DYNC1I1: variants seen among roughly 807,000 people sequenced by gnomAD.
DYNC1I1 encodes dynein cytoplasmic 1 intermediate chain 1.
DYNC1I1 carries 43 observed loss-of-function variants against 86.6 expected under a neutral mutation model. That is an observed-to-expected ratio of 0.50 (90% CI 0.39 to 0.64). The LOEUF (loss-of-function observed/expected upper bound fraction) is 0.64. DYNC1I1 is among the 30% of genes least tolerant of loss of function. The pLI is 0.00. For missense variants in DYNC1I1, 604 were observed against 788.8 expected (o/e 0.77, Z 2.81); for synonymous variants, 262 against 283.7 (o/e 0.92, Z 0.77).
chr7:96,104,126 G>C (rs1190089540), intron 16 of DYNC1I1, among the ~76,000 whole-genome samples: 7 of 151,874 alleles, frequency 4.6e-5, no homozygotes, highest in Middle Eastern at 3.4e-3. Context: ...CTAGTATCTT[G>C]GCCACATCTT....
At chr7:96,021,001 G>A (rs1178984738) in intron 10 of DYNC1I1, among the ~76,000 whole-genome samples, 1 of 152,080 alleles carries the variant, frequency 6.6e-6, no homozygotes, top group Non-Finnish European at 1.5e-5. Flanking sequence ...AGAGTGATGA[G>A]GGATGGGGGA....
chr7:95,819,122 G>C (rs561097874), intron 4 of DYNC1I1, among the ~76,000 whole-genome samples: 1 of 152,144 alleles, frequency 6.6e-6, no homozygotes, highest in East Asian at 1.9e-4. Context: ...ATGATACAAA[G>C]GGAATGGATT....
At chr7:96,109,967 T>C (rs769459517) in intron 16 of DYNC1I1, 24 of 310,444 alleles carry the variant, frequency 7.7e-5, no homozygotes, top group South Asian at 5.6e-4. Context: ...TTTTTTCTTT[T>C]TGTGGACACA....
chr7:95,794,404 A>C (rs1794383887), intron 1 of DYNC1I1, among the ~76,000 whole-genome samples: 1 of 152,202 alleles, frequency 6.6e-6, no homozygotes, highest in South Asian at 2.1e-4. Context: ...TGAATGGCTG[A>C]TTCTGTTAAT....
chr7:95,801,179 T>C (rs777738265), intron 1 of DYNC1I1, among the ~76,000 whole-genome samples: 30 of 152,228 alleles, frequency 2.0e-4, no homozygotes, highest in Non-Finnish European at 3.8e-4. Context: ...TCTTCTAACA[T>C]TGTAACCTAC....
Position 96,097,530 on chromosome 7 carries a change from TG to T in DYNC1I1, c.1825del (p.Val609TrpfsTer161). The T allele has an allele frequency of 6.2e-7, 1 of 1,613,792 alleles. No individual in the cohort carries two copies. The highest frequency in any genetic ancestry group is 8.5e-7 in the Non-Finnish European group (1 of 1,179,780). On this transcript the variant is annotated frameshift_variant, in exon 17 of 17. Coordinates refer to ENST00000447467, the MANE Select transcript of DYNC1I1 (RefSeq NM_001135556.2). LOFTEE classifies it high-confidence loss of function. ...AATGGACCCGATTTGCCAGGACCCT[TG>T]TGGAAATTCGTGCTAACAGAGCTGA... ...DEWTRFARTL[V>X]EIRANRADSE...
chr7:95,921,606 T>G lies in DYNC1I1; in HGVS notation c.490+51608T>G, dbSNP rs1791611576. Among the ~76,000 whole-genome samples the G allele has an allele frequency of 3.3e-5, 5 of 152,282 alleles. No homozygotes were observed. In the South Asian group the frequency reaches 1.0e-3, roughly 32 times the overall value. ...GGTCTTTGAGGAGCCAGTGGGTTCT[T>G]CAATTGTTCTCTTGTCTGCACACAC... On this transcript the variant is annotated intron_variant, in intron 6 of 16. Transcript: ENST00000447467.
At chr7:96,058,999 A>G (rs528551518) in intron 14 of DYNC1I1, among the ~76,000 whole-genome samples, 1 of 152,034 alleles carries the variant, frequency 6.6e-6, no homozygotes, top group East Asian at 1.9e-4. Context: ...ACAAATGCCA[A>G]ACTGACAAAT....
chr7:95,910,126 AC>A (rs1791291602), intron 6 of DYNC1I1, among the ~76,000 whole-genome samples: 1 of 151,878 alleles, frequency 6.6e-6, no homozygotes, highest in African/African-American at 2.4e-5. Context: ...GCTTTGTTTG[AC>A]CTATCTGAAT....
intron 16 of DYNC1I1, among the ~76,000 whole-genome samples, chr7:96,094,556 C>A (rs762649806): frequency 2.0e-5 from 3 of 152,142 alleles, no homozygotes; most frequent in Non-Finnish European, 2.9e-5. Context: ...GTTAGGACAC[C>A]TGTTTGGTCT....
chr7:95,814,788 A>T (rs528349331), intron 4 of DYNC1I1, among the ~76,000 whole-genome samples: 2 of 151,164 alleles, frequency 1.3e-5, no homozygotes, highest in East Asian at 3.9e-4. Context: ...GCTTTCAATT[A>T]AAAAAAAAGT....
chr7:95,976,137 G>C (rs1354730007), intron 6 of DYNC1I1, among the ~76,000 whole-genome samples: 3 of 152,180 alleles, frequency 2.0e-5, no homozygotes, highest in Non-Finnish European at 4.4e-5. Flanking sequence ...CCTCAGGTTT[G>C]TGTGAATAAT....
intron 10 of DYNC1I1, among the ~76,000 whole-genome samples, chr7:96,018,609 A>G (rs533217420): frequency 6.6e-6 from 1 of 152,192 alleles, no homozygotes; most frequent in African/African-American, 2.4e-5. Flanking sequence ...TAGTGTCTAC[A>G]TGGAGAGTGA....
At chr7:96,064,877 C>T (rs1789915610) in intron 14 of DYNC1I1, among the ~76,000 whole-genome samples, 1 of 151,584 alleles carries the variant, frequency 6.6e-6, no homozygotes, top group Non-Finnish European at 1.5e-5. Context: ...AAGAAATGGT[C>T]CAAAAAATCA....
intron 5 of DYNC1I1, among the ~76,000 whole-genome samples, chr7:95,835,963 T>C (rs1052742061): frequency 7.2e-5 from 11 of 152,218 alleles, no homozygotes; most frequent in Non-Finnish European, 1.5e-4. Flanking sequence ...GAGCATTTAG[T>C]CCATTTACAT....
At chr7:95,867,022 C>T (rs577116018) in intron 5 of DYNC1I1, among the ~76,000 whole-genome samples, 4 of 152,242 alleles carry the variant, frequency 2.6e-5, no homozygotes, top group East Asian at 1.9e-4. Context: ...ACTCCACCTA[C>T]GTTTTGAAAA....
intron 13 of DYNC1I1, among the ~76,000 whole-genome samples, chr7:96,036,679 A>G (rs994600187): frequency 6.6e-6 from 1 of 152,216 alleles, no homozygotes; most frequent in African/African-American, 2.4e-5. Context: ...AATGTAATCC[A>G]TCCAATCTAA....
intron 6 of DYNC1I1, among the ~76,000 whole-genome samples, chr7:95,940,207 C>G (rs1043593571): frequency 8.5e-5 from 13 of 152,206 alleles, no homozygotes; most frequent in African/African-American, 3.1e-4. Context: ...GTAACCCGAC[C>G]TTTCTCTCTG....
In DYNC1I1 at chr7:95,941,171, C is replaced by T. The variant is rs1006784243; in HGVS notation, c.491-36341C>T. On this transcript the variant is annotated intron_variant, in intron 6 of 16. Transcript: ENST00000447467. Reference sequence around the variant, plus strand: ...TGTTCCTCTGGAAGTTTTGTCTCAGCGGAGTACCCGGCTGTGTGAGGTGTC... The same window carrying T: ...TGTTCCTCTGGAAGTTTTGTCTCAGTGGAGTACCCGGCTGTGTGAGGTGTC... Among the ~76,000 whole-genome samples, 10 of 151,942 alleles carry T rather than the reference C, an allele frequency of 6.6e-5. 1 individual carries two copies. The highest frequency in any genetic ancestry group is 2.0e-4 in the Admixed American group (3 of 15,252).
Sources: gnomAD v4.1 joint callset for allele counts (sites outside exome capture counted in the v4.1 genomes callset) on GRCh38, gnomAD v4.1.1 for gene constraint, MANE v1.5 for transcripts, NCBI Gene and HGNC (gene_info 2026-07-23, HGNC 2026-07-21) for gene names.